The following ANKS6 variants were observed in gnomAD, a reference collection of about 807,000 sequenced individuals.
ANKS6 encodes ankyrin repeat and SAM domain-containing protein 6.
A neutral mutation model predicts 77.9 loss-of-function variants in ANKS6; 47 were observed. The ratio of observed to expected loss-of-function variants is 0.60; its 90% CI spans 0.48 to 0.77. The LOEUF is 0.77. Among genes scored for constraint, ANKS6 ranks in the 30% least tolerant of loss-of-function variants. The pLI is 0.00. For synonymous variants in ANKS6, 488 were observed against 501.7 expected, an observed-to-expected ratio of 0.97 and a Z score of 0.37; for missense variants, 1,150 against 1,159.1, an observed-to-expected ratio of 0.99 and a Z score of 0.11.
chr9:98,778,448 A>C (rs763336962), intron 6 of ANKS6, 24 bp from the exon 7 acceptor site: 2 of 1,610,620 alleles, frequency 1.2e-6, no homozygotes, highest in Admixed American at 3.3e-5. Context: ...GCAGAGCAGA[A>C]GTCATGCTCC....
At chr9:98,759,726 G>A (rs1832909119) in intron 11 of ANKS6, among the ~76,000 whole-genome samples, 1 of 152,182 alleles carries the variant, frequency 6.6e-6, no homozygotes, top group Admixed American at 6.5e-5. Context: ...TATGTTAAGT[G>A]AAATAAGCCA....
intron 14 of ANKS6, among the ~76,000 whole-genome samples, chr9:98,743,295 C>T (rs1231859988): frequency 2.0e-5 from 3 of 151,272 alleles, no homozygotes; most frequent in African/African-American, 7.3e-5. Context: ...ACTCACCCAC[C>T]TCCCCTCCCC....
rs76903503 is a variant in ANKS6, at chr9:98,796,162, G to A, written c.330C>T (p.Tyr110=). Residue 110 remains tyrosine, a synonymous_variant, in exon 1 of 15, where the codon TAC becomes TAT. Transcript: ENST00000353234. Reference sequence around the variant, plus strand: ...CCGCCTGCATGAGCGCGCTCCAGCCGTAGTGGTTGCGGCTGTTGACCGAGG... The same window carrying A: ...CCGCCTGCATGAGCGCGCTCCAGCCATAGTGGTTGCGGCTGTTGACCGAGG... ...RGASVNSRNH[Y]GWSALMQAAR... 0.12 allele frequency: 165,503 copies of A among 1,412,228 alleles called. 10,695 individuals carry two copies. Among genetic ancestry groups the A allele is most frequent in the East Asian group, 0.22 (7,313 of 32,630 alleles). The allele number at this position is 1,412,228 out of a possible 1,614,324, so 87.5% of individuals were successfully genotyped here.
At chr9:98,779,808 C>T (rs1294731181) in intron 6 of ANKS6, among the ~76,000 whole-genome samples, 5 of 152,130 alleles carry the variant, frequency 3.3e-5, no homozygotes, top group South Asian at 4.2e-4. Context: ...GGACTACAGG[C>T]GTGCGCCACC....
chr9:98,736,228 G>T lies in ANKS6; in HGVS notation c.*291C>A. The stretch of plus-strand genomic sequence containing the variant: ...AAGCAAACTCTGAGGCTCCCGGGGA[G>T]GGCAGAGCACAGGATGAAAGGAGCT... On this transcript the variant is annotated 3_prime_UTR_variant, in exon 15 of 15. Coordinates refer to ENST00000353234, the MANE Select transcript of ANKS6 (RefSeq NM_173551.5). 8.2e-7 allele frequency: 1 copy of T among 1,223,712 alleles called. No homozygotes were observed. The allele number at this position is 1,223,712 out of a possible 1,614,324, so 75.8% of individuals were successfully genotyped here.
chr9:98,780,274 G>C lies in ANKS6; in HGVS notation c.1283C>G (p.Pro428Arg). The C allele has an allele frequency of 6.2e-7, 1 of 1,612,182 alleles. No individual in the cohort carries two copies. The highest frequency in any genetic ancestry group is 8.5e-7 in the Non-Finnish European group (1 of 1,179,248). ...CMQVNKDKGRPSHQPPLPHSK... is the reference protein window; with the variant it reads ...CMQVNKDKGRRSHQPPLPHSK... ...GTGGGGCAGGGGAGGCTGGTGGCTC[G>C]GCCGGCCTTTGTCTTTATTCACCTG... is the stretch of plus-strand genomic sequence containing the variant. Residue 428 changes from proline (P) to arginine (R), a missense_variant, in exon 6 of 15, where the codon CCG (proline) becomes CGG (arginine). Physicochemically the swap from Pro to Arg is moderately radical, Grantham distance 103. Transcript: ENST00000353234.
rs141247894 is a variant in ANKS6 at position 98,777,624 on chromosome 9, A to G, written c.1568-170T>C. Among the ~76,000 whole-genome samples, 1,101 of 152,296 alleles carry G rather than the reference A, an allele frequency of 7.2e-3. 20 individuals carry two copies. The highest frequency in any genetic ancestry group is 0.034 in the Admixed American group (523 of 15,296). On this transcript the variant is annotated intron_variant, in intron 7 of 14. Transcript: ENST00000353234. ...TAGAAGGAAGGCATTTAAAAGGTAT[A>G]TTGGAGCATGTTTTCAGCTTTTCCA...
chr9:98,796,205 A>G lies in ANKS6; in HGVS notation c.287T>C (p.Phe96Ser). 1 of 1,417,942 alleles carries G rather than the reference A, an allele frequency of 7.1e-7. No individual in the cohort carries two copies. The highest frequency in any genetic ancestry group is 1.5e-5 in the African/African-American group (1 of 67,532). 87.8% of individuals were successfully genotyped at this position (1,417,942 alleles called of 1,614,324 possible). ...GACCGAGGCACCGCGGCGCAGCAGG[A>G]AGCGCACCAGCGGTTCGTGGCCCCC... ...AAGGHEPLVR[F>S]LLRRGASVNS... The change falls in exon 1 of 15, where the codon TTC (phenylalanine) becomes TCC (serine). Residue 96 changes from phenylalanine (F) to serine (S), a missense_variant. Coordinates refer to ENST00000353234, the MANE Select transcript of ANKS6 (RefSeq NM_173551.5).
chr9:98,734,228 A>G lies in ANKS6; in HGVS notation c.*2291T>C, dbSNP rs1195241679. ...ACTTGAGTCCAGTGAAAAAGAAAGG[A>G]AAGGCATTGTCTGGAGCCTCTGCTG... On this transcript the variant is annotated 3_prime_UTR_variant, in exon 15 of 15. Coordinates refer to ENST00000353234, the MANE Select transcript of ANKS6 (RefSeq NM_173551.5). 2 of 985,404 alleles carry G rather than the reference A, an allele frequency of 2.0e-6. No homozygotes were observed. Among genetic ancestry groups the G allele is most frequent in the Non-Finnish European group, 2.4e-6 (2 of 830,034 alleles). The allele number at this position is 985,404 out of a possible 1,614,324, so 61.0% of individuals were successfully genotyped here.
chr9:98,765,215 C>T (rs1833204842), intron 11 of ANKS6, among the ~76,000 whole-genome samples: 1 of 152,130 alleles, frequency 6.6e-6, no homozygotes, highest in South Asian at 2.1e-4. Flanking sequence ...TCTATTCCAG[C>T]CAAAAGCAAA....
chr9:98,737,083 CAG>C (rs1831539053), intron 14 of ANKS6, among the ~76,000 whole-genome samples: 1 of 152,206 alleles, frequency 6.6e-6, no homozygotes, highest in Admixed American at 6.5e-5. Context: ...TTTGTCTTCA[CAG>C]AGATTCACTT....
intron 14 of ANKS6, 93 bp from the exon 15 acceptor site, chr9:98,736,716 A>C: frequency 6.9e-7 from 1 of 1,452,868 alleles, no homozygotes; most frequent in Non-Finnish European, 9.4e-7. Context: ...TTCAACTCAT[A>C]CTTCAAAAAC....
chr9:98,766,787 T>A (rs994574582), intron 11 of ANKS6, among the ~76,000 whole-genome samples: 1 of 152,188 alleles, frequency 6.6e-6, no homozygotes, highest in Non-Finnish European at 1.5e-5. Context: ...ATACAGTACA[T>A]GTACATCCTG....
Position 98,734,705 on chromosome 9 carries a change from T to C in ANKS6, c.*1814A>G. 1 of 934,764 alleles carries C rather than the reference T, an allele frequency of 1.1e-6. No individual in the cohort carries two copies. The highest frequency in any genetic ancestry group is 1.3e-6 in the Non-Finnish European group (1 of 783,998). 57.9% of individuals were successfully genotyped at this position (934,764 alleles called of 1,614,324 possible). On this transcript the variant is annotated 3_prime_UTR_variant, in exon 15 of 15. Coordinates refer to ENST00000353234, the MANE Select transcript of ANKS6 (RefSeq NM_173551.5). ...GCATCCGTTTCCCGAATGTGCAAGATGAGGTTACACAATGCCACCTCCAGG... is the reference window on the plus strand; with the variant it reads ...GCATCCGTTTCCCGAATGTGCAAGACGAGGTTACACAATGCCACCTCCAGG...
In ANKS6 at chr9:98,790,559, T is replaced by G. The variant is rs1057523009; in HGVS notation, c.407A>C (p.Asp136Ala). The G allele has an allele frequency of 2.5e-6, 4 of 1,610,860 alleles. No individual in the cohort carries two copies. In the African/African-American group the frequency reaches 5.3e-5, roughly 22 times the overall value. ...VAHLLLDHGA[D>A]VNAQNRLGAS... ...CCCCAGCCGGTTCTGGGCATTGACA[T>G]CAGCCCCGTGATCCAACAGGAGGTG... is the stretch of plus-strand genomic sequence containing the variant. Residue 136 changes from aspartate (D) to alanine (A), a missense_variant, in exon 2 of 15, where the codon GAT (aspartate) becomes GCT (alanine). Transcript: ENST00000353234.
intron 2 of ANKS6, among the ~76,000 whole-genome samples, chr9:98,786,511 C>T (rs561059713): frequency 1.3e-5 from 2 of 151,950 alleles, no homozygotes; most frequent in African/African-American, 2.4e-5. Flanking sequence ...AGGTTGGTCT[C>T]GAACTCCTGA....
Position 98,732,846 on chromosome 9 carries a change from A to T in ANKS6, c.*3673T>A, listed in dbSNP as rs1831274715. The T allele has an allele frequency of 2.5e-6, 3 of 1,217,622 alleles. No homozygotes were observed. The highest frequency in any genetic ancestry group is 1.5e-5 in the African/African-American group (1 of 64,798). The allele number at this position is 1,217,622 out of a possible 1,614,324, so 75.4% of individuals were successfully genotyped here. A position where few individuals can be genotyped will look rare whatever the true frequency, so the allele number is the denominator to read the frequency against. ...TTTAAAGGACTAAAAACAGAAAAACAGGCACCCAACTGACCCTTCCTCCCT... is the reference window on the plus strand; with the variant it reads ...TTTAAAGGACTAAAAACAGAAAAACTGGCACCCAACTGACCCTTCCTCCCT... On this transcript the variant is annotated 3_prime_UTR_variant, in exon 15 of 15. Coordinates refer to ENST00000353234, the MANE Select transcript of ANKS6 (RefSeq NM_173551.5).
chr9:98,770,510 A>T (rs1833558227), intron 10 of ANKS6, among the ~76,000 whole-genome samples: 1 of 152,132 alleles, frequency 6.6e-6, no homozygotes, highest in Non-Finnish European at 1.5e-5. Context: ...GTGTGACCCT[A>T]AGCAAATCTC....
chr9:98,733,724 C>T lies in ANKS6; in HGVS notation c.*2795G>A, dbSNP rs891554702. The T allele has an allele frequency of 4.7e-5, 46 of 985,348 alleles. No individual in the cohort carries two copies. Among genetic ancestry groups the T allele is most frequent in the Non-Finnish European group, 4.9e-5 (41 of 829,974 alleles). The allele number at this position is 985,348 out of a possible 1,614,324, so 61.0% of individuals were successfully genotyped here. ...AAGAGGCCTGACCCATGCTGGCATGCTGAAGGTTGTGAGAGGCCTGTAGCA... is the reference window on the plus strand; with the variant it reads ...AAGAGGCCTGACCCATGCTGGCATGTTGAAGGTTGTGAGAGGCCTGTAGCA... On this transcript the variant is annotated 3_prime_UTR_variant, in exon 15 of 15. Transcript: ENST00000353234.
Sources: gnomAD v4.1 joint callset for allele counts (sites outside exome capture counted in the v4.1 genomes callset) on GRCh38, gnomAD v4.1.1 for gene constraint, MANE v1.5 for transcripts, NCBI Gene and HGNC (gene_info 2026-07-23, HGNC 2026-07-21) for gene names.